The following DCHS1 variants were observed in gnomAD, a reference collection of about 807,000 sequenced individuals.
The protein encoded by DCHS1 is dachsous cadherin-related 1.
In DCHS1, 78 loss-of-function variants were observed where a neutral mutation model predicts 213.9. The observed-to-expected ratio is 0.36, with a 90% CI of 0.30 to 0.44. The LOEUF (loss-of-function observed/expected upper bound fraction) is 0.44. DCHS1 is among the 20% of genes least tolerant of loss of function. The pLI is 1.00. For synonymous variants in DCHS1, 1,828 were observed against 1,873.7 expected (o/e 0.98, Z 0.63); for missense variants, 3,946 against 4,395.9 (o/e 0.90, Z 2.89).
rs1855710555 is a variant in DCHS1 at position 6,622,378 on chromosome 11, G to T, written c.9298C>A (p.Pro3100Thr). 1 of 1,565,874 alleles carries T rather than the reference G, an allele frequency of 6.4e-7. No individual in the cohort carries two copies. The highest frequency in any genetic ancestry group is 8.7e-7 in the Non-Finnish European group (1 of 1,155,074). ...CTGTAGAGAGTGGCTCCTGCACCTGGCAGCAGCAGCCCTGCCTTTCGGCCC... is the reference window on the plus strand; with the variant it reads ...CTGTAGAGAGTGGCTCCTGCACCTGTCAGCAGCAGCCCTGCCTTTCGGCCC... ...YKGRKAGLLL[P>T]GAGATLYREE... The change falls in exon 21 of 21, where the codon CCA becomes ACA. Residue 3100 changes from proline to threonine, a missense_variant. Transcript: ENST00000299441. The surrounding 1 kb of genome is among the most constrained non-coding windows in gnomAD (Gnocchi z 5.4).
At position 6,630,941 on chromosome 11, in the gene DCHS1, A is replaced by C. The variant is rs781519847; in HGVS notation, c.3931-78T>G. 4.7e-6 allele frequency: 7 copies of C among 1,499,872 alleles called. No homozygotes were observed. In the African/African-American group the frequency reaches 7.0e-5, roughly 15 times the overall value. The allele number at this position is 1,499,872 out of a possible 1,614,324, so 92.9% of individuals were successfully genotyped here. ...GATCTGGGCTGGCTTCCCAGGTGGT[A>C]GGAAAGTGGTCAGAGTAGCCTGACT... On this transcript the variant is annotated intron_variant, in intron 9 of 20. Transcript: ENST00000299441.
At position 6,623,532 on chromosome 11, in the gene DCHS1, A is replaced by G. The variant is rs1234110333; in HGVS notation, c.8144T>C (p.Val2715Ala). The change falls in exon 21 of 21, where the codon GTG (valine) becomes GCG (alanine). Residue 2715 changes from valine to alanine, a missense_variant. Around this residue, in one of 3 missense-constraint regions of DCHS1, gnomAD observed 3,384 missense variants for 3,780.1 expected, o/e 0.90. Coordinates refer to ENST00000299441, the MANE Select transcript of DCHS1 (RefSeq NM_003737.4). Reference sequence around the variant, plus strand: ...AGTGCCTGGAGGCTGATTCTCGGCCACGCTGGTGCTGAGTAAGTTCAGTGG... The same window carrying G: ...AGTGCCTGGAGGCTGATTCTCGGCCGCGCTGGTGCTGAGTAAGTTCAGTGG... ...AFPLNLLSTS[V>A]AENQPPGTLV... 1.4e-5 allele frequency: 22 copies of G among 1,609,712 alleles called. No individual in the cohort carries two copies. Among genetic ancestry groups the G allele is most frequent in the Non-Finnish European group, 1.8e-5 (21 of 1,178,076 alleles).
intron 6 of DCHS1, 84 bp from the exon 7 acceptor site, chr11:6,631,893 G>A (rs1855914075): frequency 1.0e-5 from 15 of 1,457,536 alleles, no homozygotes; most frequent in Non-Finnish European, 1.4e-5. Flanking sequence ...GGTGTTTGGG[G>A]AGTGGGGGAG....
In DCHS1 at chr11:6,640,786, C is replaced by G; in HGVS notation, c.828G>C (p.Gln276His). 3 of 1,614,070 alleles carry G rather than the reference C, an allele frequency of 1.9e-6. No individual in the cohort carries two copies. The highest frequency in any genetic ancestry group is 2.5e-6 in the Non-Finnish European group (3 of 1,179,904). ...ESLAPGSPVL[Q>H]VFASDADAGV... is the part of the protein sequence containing the mutation. ...CAGCATCGGCATCAGATGCGAACAC[C>G]TGCAAGACAGGACTGCCAGGGGCCA... The change falls in exon 2 of 21, where the codon CAG becomes CAC. Residue 276 changes from glutamine (Q) to histidine (H), a missense_variant. By Grantham distance (24) the Gln-to-His change is conservative. This residue lies in a region of DCHS1 where 3,384 missense variants were observed against 3,780.1 expected (regional missense o/e 0.90). Coordinates refer to ENST00000299441, the MANE Select transcript of DCHS1 (RefSeq NM_003737.4). This position sits in a 1 kb window ranked among gnomAD's most constrained non-coding sequence, Gnocchi z 6.5.
chr11:6,626,416 T>C lies in DCHS1; in HGVS notation c.6365-36A>G. ...TAGAATGCATCAGTGATAGCCCCCT[T>C]TGCTTGCCCTGGAGCCTCCTTCTCT... On this transcript the variant is annotated intron_variant, in intron 15 of 20. Coordinates refer to ENST00000299441, the MANE Select transcript of DCHS1 (RefSeq NM_003737.4). This position sits in a 1 kb window ranked among gnomAD's most constrained non-coding sequence, Gnocchi z 5.2. 1 of 1,608,066 alleles carries C rather than the reference T, an allele frequency of 6.2e-7. No homozygotes were observed. The highest frequency in any genetic ancestry group is 1.1e-5 in the South Asian group (1 of 90,530).
chr11:6,622,941 C>T lies in DCHS1; in HGVS notation c.8735G>A (p.Arg2912Gln), dbSNP rs1855724867. Residue 2912 changes from arginine to glutamine, a missense_variant, in exon 21 of 21, where the codon CGG (arginine) becomes CAG (glutamine). Arg to Gln is a conservative substitution (Grantham distance 43). Around this residue, in one of 3 missense-constraint regions of DCHS1, gnomAD observed 554 missense variants for 590.2 expected, o/e 0.94. Transcript: ENST00000299441. This position sits in a 1 kb window ranked among gnomAD's most constrained non-coding sequence, Gnocchi z 5.4. ...VIARGPLPGS[R>Q]SATVPVTVDI... is the part of the protein sequence containing the mutation. ...CACGGTCACAGGCACTGTGGCACTC[C>T]GGGAACCAGGCAGAGGCCCCCGTGC... The T allele has an allele frequency of 3.2e-6, 5 of 1,584,914 alleles. No homozygotes were observed. Among genetic ancestry groups the T allele is most frequent in the Non-Finnish European group, 4.3e-6 (5 of 1,165,982 alleles).
At chr11:6,633,275 T>A (rs1431988432) in intron 5 of DCHS1, 137 bp downstream of exon 5, 1 of 1,029,782 alleles carries the variant, frequency 9.7e-7, no homozygotes, top group Non-Finnish European at 1.4e-6. Context: ...CCTAAGGAGG[T>A]GTTGGGCATT....
intron 1 of DCHS1, among the ~76,000 whole-genome samples, chr11:6,646,906 G>A (rs1471202929): frequency 6.6e-6 from 1 of 152,164 alleles, no homozygotes; most frequent in African/African-American, 2.4e-5. Flanking sequence ...AGGAAAGAGA[G>A]GTGGGCTGGG....
At position 6,632,221 on chromosome 11, in the gene DCHS1, G is replaced by A. The variant is rs758706266; in HGVS notation, c.3291C>T (p.Asn1097=). ...ACAAGCGGGGACTGTGTTCATTCTG[G>A]TTGAGGATGCTGACCCTCACGGTGG... The part of the protein sequence containing the change: ...GTATVRVSIL[N]QNEHSPRLSE... The change falls in exon 6 of 21, where the codon AAC becomes AAT. Residue 1097 remains asparagine, a synonymous_variant. Transcript: ENST00000299441. The surrounding 1 kb of genome is among the most constrained non-coding windows in gnomAD (Gnocchi z 5.9). 3.7e-6 allele frequency: 6 copies of A among 1,613,114 alleles called. No individual in the cohort carries two copies. Among genetic ancestry groups the A allele is most frequent in the Middle Eastern group, 1.7e-4 (1 of 6,052 alleles).
Position 6,633,798 on chromosome 11 carries a change from C to T in DCHS1, c.2209G>A (p.Glu737Lys), listed in dbSNP as rs751710352. 22 of 1,613,150 alleles carry T rather than the reference C, an allele frequency of 1.4e-5. No individual in the cohort carries two copies. In the East Asian group the frequency reaches 4.9e-4, roughly 36 times the overall value. Residue 737 changes from glutamate to lysine, a missense_variant, in exon 4 of 21, where the codon GAG becomes AAG. Around this residue, in one of 3 missense-constraint regions of DCHS1, gnomAD observed 3,384 missense variants for 3,780.1 expected, o/e 0.90. Coordinates refer to ENST00000299441, the MANE Select transcript of DCHS1 (RefSeq NM_003737.4). Reference protein sequence around the residue: ...GNSPPLFTLDEQSGLLTVAWP... With the variant: ...GNSPPLFTLDKQSGLLTVAWP... The stretch of plus-strand genomic sequence containing the variant: ...ATGGGAGGATCCTCACCTGATTGCT[C>T]ATCCAAGGTAAAAAGTGGGGGGCTG...
intron 1 of DCHS1, among the ~76,000 whole-genome samples, chr11:6,642,627 G>A (rs1408879117): frequency 6.6e-6 from 1 of 151,758 alleles, no homozygotes; most frequent in African/African-American, 2.4e-5. Context: ...AGTGTCTGAG[G>A]GTGGGGTGGG....
At position 6,631,072 on chromosome 11, in the gene DCHS1, C is replaced by A; in HGVS notation, c.3911G>T (p.Ser1304Ile). The A allele has an allele frequency of 6.2e-7, 1 of 1,610,676 alleles. No individual in the cohort carries two copies. Among genetic ancestry groups the A allele is most frequent in the Non-Finnish European group, 8.5e-7 (1 of 1,177,816 alleles). ...CCATACCTGCACCAGCAGCTGGAGG[C>A]TGGCACTTCGAGGAGGGCTGCCTTG... ...HDQGSPPRSA[S>I]LQLLVQVLPS... The change falls in exon 9 of 21, where the codon AGC (serine) becomes ATC (isoleucine). Residue 1304 changes from serine (S) to isoleucine (I), a missense_variant. Coordinates refer to ENST00000299441, the MANE Select transcript of DCHS1 (RefSeq NM_003737.4).
rs762569371 is a variant in DCHS1, at chr11:6,627,354, G to A, written c.5685C>T (p.Gly1895=). The A allele has an allele frequency of 1.0e-5, 16 of 1,607,596 alleles. No individual in the cohort carries two copies. The highest frequency in any genetic ancestry group is 3.4e-5 in the Admixed American group (2 of 58,840). ...GANGHVTYYL[G]AGTAGAFLLE... ...GCAGGAAGGCTCCTGCTGTACCGGC[G>A]CCCAGGTAGTAGGTCACATGGCCAT... is the stretch of plus-strand genomic sequence containing the variant. Residue 1895 remains glycine (G), a synonymous_variant, in exon 14 of 21, where the codon GGC becomes GGT. Coordinates refer to ENST00000299441, the MANE Select transcript of DCHS1 (RefSeq NM_003737.4). The surrounding 1 kb of genome is among the most constrained non-coding windows in gnomAD (Gnocchi z 5.4).
Position 6,631,142 on chromosome 11 carries a change from G to T in DCHS1, c.3841C>A (p.Arg1281=). 6.2e-7 allele frequency: 1 copy of T among 1,613,022 alleles called. No homozygotes were observed. The highest frequency in any genetic ancestry group is 8.5e-7 in the Non-Finnish European group (1 of 1,179,272). The part of the protein sequence containing the change: ...GELLTAAPLI[R]AERPHYVLTL... ...AGCACATAGTGGGGCCGCTCTGCTC[G>T]GATCAGGGGAGCTGCAGTGAGCAGC... The change falls in exon 9 of 21, where the codon CGA becomes AGA. Residue 1281 remains arginine, a synonymous_variant. Transcript: ENST00000299441.
In DCHS1 at chr11:6,640,478, G is replaced by C; in HGVS notation, c.1136C>G (p.Ala379Gly). The C allele has an allele frequency of 6.2e-7, 1 of 1,613,628 alleles. No homozygotes were observed. Among genetic ancestry groups the C allele is most frequent in the Non-Finnish European group, 8.5e-7 (1 of 1,179,892 alleles). The change falls in exon 2 of 21, where the codon GCC becomes GGC. Residue 379 changes from alanine (A) to glycine (G), a missense_variant. Coordinates refer to ENST00000299441, the MANE Select transcript of DCHS1 (RefSeq NM_003737.4). The surrounding 1 kb of genome is among the most constrained non-coding windows in gnomAD (Gnocchi z 6.5). ...ADGSPQVSEAAPPGQLVARIS... is the reference protein window; with the variant it reads ...ADGSPQVSEAGPPGQLVARIS... ...GCGAGCAACGAGCTGTCCAGGTGGGGCGGCCTCAGACACTTGGGGGGAGCC... is the reference window on the plus strand; with the variant it reads ...GCGAGCAACGAGCTGTCCAGGTGGGCCGGCCTCAGACACTTGGGGGGAGCC...
intron 5 of DCHS1, 26 bp from the exon 6 acceptor site, chr11:6,633,082 G>C (rs776090399): frequency 1.8e-5 from 28 of 1,571,542 alleles, no homozygotes; most frequent in Non-Finnish European, 2.2e-5. Context: ...AAGGGATCAG[G>C]AAAGAGATGG....
intron 4 of DCHS1, 69 bp from the exon 5 acceptor site, chr11:6,633,717 T>G: frequency 1.3e-6 from 2 of 1,598,658 alleles, no homozygotes; most frequent in South Asian, 2.2e-5. Context: ...ATGGAGGAGG[T>G]GGGTAGGACA....
At position 6,628,750 on chromosome 11, in the gene DCHS1, C is replaced by T; in HGVS notation, c.5242G>A (p.Ala1748Thr). ...AGATGGGCACTCCCAAAGGTTGGTG[C>T]ATGGTCATTCTCATCCTCCACAGCC... Reference protein sequence around the residue: ...RVAVEDENDHAPTFGSAHLSL... With the variant: ...RVAVEDENDHTPTFGSAHLSL... Residue 1748 changes from alanine to threonine, a missense_variant, in exon 13 of 21, where the codon GCA (alanine) becomes ACA (threonine). Coordinates refer to ENST00000299441, the MANE Select transcript of DCHS1 (RefSeq NM_003737.4). This position sits in a 1 kb window ranked among gnomAD's most constrained non-coding sequence, Gnocchi z 4.3. 1.2e-6 allele frequency: 2 copies of T among 1,614,046 alleles called. No individual in the cohort carries two copies. Among genetic ancestry groups the T allele is most frequent in the Non-Finnish European group, 1.7e-6 (2 of 1,179,896 alleles).
Position 6,627,127 on chromosome 11 carries a change from C to T in DCHS1, c.5912G>A (p.Arg1971His), listed in dbSNP as rs138329507. 7.4e-5 allele frequency: 119 copies of T among 1,612,638 alleles called. No individual in the cohort carries two copies. Among genetic ancestry groups the T allele is most frequent in the Non-Finnish European group, 9.8e-5 (115 of 1,179,372 alleles). ...TGGGGTACTGAAGCTGGGGCCTGGG[C>T]GGGGCAGACGTAGGCGCAGAGGACT... is the stretch of plus-strand genomic sequence containing the variant. Reference protein sequence around the residue: ...PTSPLRLRLPRPGPSFSTPTL... With the variant: ...PTSPLRLRLPHPGPSFSTPTL... The change falls in exon 14 of 21, where the codon CGC (arginine) becomes CAC (histidine). Residue 1971 changes from arginine to histidine, a missense_variant. Coordinates refer to ENST00000299441, the MANE Select transcript of DCHS1 (RefSeq NM_003737.4). The surrounding 1 kb of genome is among the most constrained non-coding windows in gnomAD (Gnocchi z 5.4).
Sources: gnomAD v4.1 joint callset for allele counts (sites outside exome capture counted in the v4.1 genomes callset) on GRCh38, gnomAD v4.1.1 for gene constraint, gnomAD v4.1.1 regional missense constraint, Gnocchi (gnomAD v3.1) non-coding constraint, MANE v1.5 for transcripts, NCBI Gene and HGNC (gene_info 2026-07-23, HGNC 2026-07-21) for gene names.